Variants in INO80 observed in about 807,000 individuals in gnomAD.
INO80 encodes the protein INO80 complex ATPase subunit.
Under a neutral mutation model 203.4 loss-of-function variants are expected in INO80, and 20 were observed. The ratio of observed to expected loss-of-function variants is 0.10; its 90% CI spans 0.07 to 0.14. INO80 has a LOEUF of 0.14. INO80 is among the 10% of genes least tolerant of loss of function. INO80 has a pLI of 1.00. For synonymous variants in INO80, 726 were observed against 685.2 expected, an observed-to-expected ratio of 1.06 and a Z score of -0.93; for missense variants, 1,419 against 1,914.4, an observed-to-expected ratio of 0.74 and a Z score of 4.83.
At chr15:41,061,506 G>A (rs917592973) in intron 14 of INO80, among the ~76,000 whole-genome samples, 5 of 145,800 alleles carry the variant, frequency 3.4e-5, no homozygotes, top group Admixed American at 2.1e-4. Context: ...ACCTGTAGTC[G>A]CAACTATTCG....
At chr15:41,087,259 G>C (rs965546231) in intron 6 of INO80, among the ~76,000 whole-genome samples, 1 of 152,104 alleles carries the variant, frequency 6.6e-6, no homozygotes, top group Non-Finnish European at 1.5e-5. Flanking sequence ...GGTATTATAA[G>C]TAATCCAGAG....
intron 1 of INO80, among the ~76,000 whole-genome samples, chr15:41,107,191 G>GC (rs2045892474): frequency 6.6e-6 from 1 of 152,020 alleles, no homozygotes; most frequent in Non-Finnish European, 1.5e-5. Context: ...TTTTTAATTT[G>GC]CATACATTAA....
intron 5 of INO80, among the ~76,000 whole-genome samples, chr15:41,089,244 C>T (rs2045600968): frequency 6.6e-6 from 1 of 151,960 alleles, no homozygotes; most frequent in Non-Finnish European, 1.5e-5. Flanking sequence ...ATACTTGGAG[C>T]GCCAAGTACC....
chr15:41,112,810 A>AC (rs1349537786), intron 1 of INO80, among the ~76,000 whole-genome samples: 3 of 151,098 alleles, frequency 2.0e-5, no homozygotes, highest in African/African-American at 7.3e-5. Context: ...AAAAAAAAAA[A>AC]AAACTTTTCA....
At chr15:41,109,353 C>G (rs905404733) in intron 1 of INO80, among the ~76,000 whole-genome samples, 2 of 151,794 alleles carry the variant, frequency 1.3e-5, no homozygotes, top group Non-Finnish European at 2.9e-5. Flanking sequence ...ACTGGGGAGG[C>G]TGAGGCAGAA....
In INO80 at chr15:40,984,333, A is replaced by G; in HGVS notation, c.3941T>C (p.Leu1314Ser). The G allele has an allele frequency of 6.2e-7, 1 of 1,614,094 alleles. No individual in the cohort carries two copies. The highest frequency in any genetic ancestry group is 8.5e-7 in the Non-Finnish European group (1 of 1,179,976). ...YAEKKKKEDE[L>S]DGKRRKEGVN... ...ACCCTCTTTTCTCCTTTTCCCATCC[A>G]ATTCATCTTCTTTTTTCTTCTGGGA... Residue 1314 changes from leucine to serine, a missense_variant, in exon 33 of 36, where the codon TTG becomes TCG. By Grantham distance (145) the Leu-to-Ser change is moderately radical. This residue lies in a region of INO80 where 214 missense variants were observed against 248.9 expected (regional missense o/e 0.86). Transcript: ENST00000648947.
Position 41,046,685 on chromosome 15 carries a change from T to G in INO80, c.2735+723A>C, listed in dbSNP as rs567708535. ...CAGGTGGGAGCGCAGTGGAGCGATC[T>G]TGACTCACTGCAACCTCCACCTCCT... On this transcript the variant is annotated intron_variant, in intron 23 of 35. Transcript: ENST00000648947. 5.9e-3 allele frequency among the ~76,000 whole-genome samples: 895 copies of G among 152,080 alleles called. 9 individuals carry two copies. Among genetic ancestry groups the G allele is most frequent in the African/African-American group, 0.021 (864 of 41,482 alleles).
intron 4 of INO80, among the ~76,000 whole-genome samples, chr15:41,094,886 T>C (rs1258851437): frequency 6.6e-6 from 1 of 152,174 alleles, no homozygotes; most frequent in African/African-American, 2.4e-5. Flanking sequence ...AACACAGGTA[T>C]ACAAAACAGA....
chr15:40,983,920 A>C lies in INO80; in HGVS notation c.4079T>G (p.Ile1360Ser). 6 of 1,613,414 alleles carry C rather than the reference A, an allele frequency of 3.7e-6. No individual in the cohort carries two copies. The highest frequency in any genetic ancestry group is 5.1e-6 in the Non-Finnish European group (6 of 1,179,882). ...DSAMPSPFSE[I>S]SISSELHTGS... ...AGTGTGCAGCTCACTGCTGATGGAG[A>C]TCTAGAAGAGGAAGGGTTAAGATCA... The change falls in exon 34 of 36, where the codon ATC becomes AGC. Residue 1360 changes from isoleucine (I) to serine (S), a missense_variant and splice_region_variant. This residue lies in a region of INO80 where 214 missense variants were observed against 248.9 expected (regional missense o/e 0.86). Transcript: ENST00000648947.
rs61757083 is a variant in INO80 at position 40,985,353 on chromosome 15, T to C, written c.3906A>G (p.Glu1302=). ...CTGGAAATACCTTCTCTGCATACTT[T>C]TCCCGCTTCCGCTTGCGCTCTTTCA... ...NRVKERKRKR[E]KYAEKKKKED... is the part of the protein sequence containing the mutation. Residue 1302 remains glutamate (E), a synonymous_variant, in exon 32 of 36, where the codon GAA becomes GAG. Transcript: ENST00000648947. 8.7e-3 allele frequency: 14,020 copies of C among 1,613,772 alleles called. 74 individuals are homozygous for C. The highest frequency in any genetic ancestry group is 0.01 in the Non-Finnish European group (12,270 of 1,179,690).
chr15:41,055,051 TC>T (rs1160574090), intron 18 of INO80, among the ~76,000 whole-genome samples, 195 bp downstream of exon 18: 2 of 152,220 alleles, frequency 1.3e-5, no homozygotes. Context: ...GTAGTAATCA[TC>T]TAAATTAGTT....
chr15:41,097,800 A>G (rs2045746885), intron 1 of INO80, among the ~76,000 whole-genome samples: 1 of 151,990 alleles, frequency 6.6e-6, no homozygotes, highest in Admixed American at 6.6e-5. Context: ...TAAAAATACA[A>G]AAATTAGCTG....
chr15:41,019,366 T>A (rs1273903335), intron 26 of INO80: 1 of 152,198 alleles, frequency 6.6e-6, no homozygotes. Flanking sequence ...TGGTTGGTTC[T>A]CACAGTAAAC....
chr15:41,079,959 T>C, intron 8 of INO80, 55 bp from the exon 9 acceptor site: 1 of 1,467,854 alleles, frequency 6.8e-7, no homozygotes, highest in Non-Finnish European at 9.5e-7. Flanking sequence ...AAGCTGGTTC[T>C]TCCTGGACTC....
chr15:41,085,231 G>T, intron 7 of INO80, 138 bp downstream of exon 7: 1 of 737,472 alleles, frequency 1.4e-6, no homozygotes, highest in African/African-American at 1.7e-5. Context: ...GTACTACTCA[G>T]CATTTTCTTG....
intron 25 of INO80, among the ~76,000 whole-genome samples, chr15:41,023,919 T>TA (rs1317233199): frequency 6.6e-6 from 1 of 151,930 alleles, no homozygotes; most frequent in Non-Finnish European, 1.5e-5. Flanking sequence ...GCAGAACTTA[T>TA]ATTGGAATTA....
At chr15:41,054,178 T>C (rs1425196224) in intron 18 of INO80, among the ~76,000 whole-genome samples, 164 bp from the exon 19 acceptor site, 1 of 152,236 alleles carries the variant, frequency 6.6e-6, no homozygotes, top group East Asian at 1.9e-4. Context: ...AGCAAGGAAT[T>C]TTAATTTTTT....
At chr15:41,082,333 G>T (rs2045498230) in intron 7 of INO80, among the ~76,000 whole-genome samples, 1 of 151,958 alleles carries the variant, frequency 6.6e-6, no homozygotes, top group Admixed American at 6.6e-5. Flanking sequence ...GGAGGTTGAG[G>T]CAGGAGGATC....
chr15:41,015,188 C>T (rs1386077331), intron 27 of INO80, among the ~76,000 whole-genome samples: 12 of 152,130 alleles, frequency 7.9e-5, no homozygotes, highest in Admixed American at 7.9e-4. Context: ...CAAAAGCTGC[C>T]TTGCACAGTC....
Sources: gnomAD v4.1 joint callset for allele counts (sites outside exome capture counted in the v4.1 genomes callset) on GRCh38, gnomAD v4.1.1 for gene constraint, gnomAD v4.1.1 regional missense constraint, MANE v1.5 for transcripts, NCBI Gene and HGNC (gene_info 2026-07-23, HGNC 2026-07-21) for gene names.